SLC46A1: variants seen among roughly 807,000 people sequenced by gnomAD.
SLC46A1 encodes proton-coupled folate transporter.
A neutral mutation model predicts 32.1 loss-of-function variants in SLC46A1; 17 were observed. The ratio of observed to expected loss-of-function variants is 0.53; its 90% CI spans 0.36 to 0.79. The LOEUF (loss-of-function observed/expected upper bound fraction) is 0.79, where lower values mean the gene tolerates loss of function less well. SLC46A1 is among the 30% of genes least tolerant of loss of function. SLC46A1 has a pLI of 0.00. For missense variants in SLC46A1, 517 were observed against 588.2 expected (o/e 0.88, Z 1.25); for synonymous variants, 240 against 262.7 (o/e 0.91, Z 0.84).
Position 28,395,708 on chromosome 17 carries a change from C to A in SLC46A1, c.*3948G>T. 1.7e-6 allele frequency: 1 copy of A among 583,974 alleles called. No homozygotes were observed. Among genetic ancestry groups the A allele is most frequent in the Non-Finnish European group, 3.0e-6 (1 of 331,234 alleles). 36.2% of individuals were successfully genotyped at this position (583,974 alleles called of 1,614,324 possible). A position where few individuals can be genotyped will look rare whatever the true frequency, so the allele number is the denominator to read the frequency against. ...TTCCAAGGGTTTTAGCAGCTCTGTGCCAGGAACTCTGGGCAAAGGAAAAAT... is the reference window on the plus strand; with the variant it reads ...TTCCAAGGGTTTTAGCAGCTCTGTGACAGGAACTCTGGGCAAAGGAAAAAT... On this transcript the variant is annotated 3_prime_UTR_variant, in exon 5 of 5. Transcript: ENST00000612814.
chr17:28,397,573 C>G lies in SLC46A1; in HGVS notation c.*2083G>C, dbSNP rs2068142723. On this transcript the variant is annotated 3_prime_UTR_variant, in exon 5 of 5. Coordinates refer to ENST00000612814, the MANE Select transcript of SLC46A1 (RefSeq NM_080669.6). ...TGGCAGCCCCAGATCCAGACCTAGG[C>G]CTCCTGGCACCCAGTCCACTGGCAG... 6.6e-6 allele frequency: 1 copy of G among 152,234 alleles called. No homozygotes were observed. Among genetic ancestry groups the G allele is most frequent in the South Asian group, 2.1e-4 (1 of 4,832 alleles). 9.4% of individuals were successfully genotyped at this position (152,234 alleles called of 1,614,324 possible). A position where few individuals can be genotyped will look rare whatever the true frequency, so the allele number is the denominator to read the frequency against.
rs374179004 is a variant in SLC46A1, at chr17:28,405,420, C to T, written c.277G>A (p.Gly93Ser). The T allele has an allele frequency of 3.1e-6, 5 of 1,591,918 alleles. No homozygotes were observed. Among genetic ancestry groups the T allele is most frequent in the Non-Finnish European group, 4.3e-6 (5 of 1,170,060 alleles). The change falls in exon 2 of 5, where the codon GGC (glycine) becomes AGC (serine). Residue 93 changes from glycine (G) to serine (S), a missense_variant. Gly to Ser is a moderately conservative substitution (Grantham distance 56). Transcript: ENST00000612814. ...GACGAGAAGAGCCCCACCAGGAAGC[C>T]GCCCACGTTCATGTAGAGGGTCCAG... ...SHWTLYMNVGGFLVGLFSSTL... is the reference protein window; with the variant it reads ...SHWTLYMNVGSFLVGLFSSTL...
intron 3 of SLC46A1, chr17:28,401,288 G>A (rs548581562): frequency 1.0e-4 from 17 of 164,860 alleles, no homozygotes; most frequent in Non-Finnish European, 1.9e-4. Context: ...ACCCATCACT[G>A]GGCCTGGTCC....
At chr17:28,400,574 C>A in intron 4 of SLC46A1, 36 bp downstream of exon 4, 1 of 1,610,686 alleles carries the variant, frequency 6.2e-7, no homozygotes, top group Non-Finnish European at 8.5e-7. Flanking sequence ...AGAGAAAGGG[C>A]TCCATTATGA....
Position 28,395,700 on chromosome 17 carries a change from G to A in SLC46A1, c.*3956C>T. The stretch of plus-strand genomic sequence containing the variant: ...TCAAGAGATTCCAAGGGTTTTAGCA[G>A]CTCTGTGCCAGGAACTCTGGGCAAA... On this transcript the variant is annotated 3_prime_UTR_variant, in exon 5 of 5. Coordinates refer to ENST00000612814, the MANE Select transcript of SLC46A1 (RefSeq NM_080669.6). The A allele has an allele frequency of 1.8e-6, 1 of 567,810 alleles. No homozygotes were observed. Among genetic ancestry groups the A allele is most frequent in the Non-Finnish European group, 3.1e-6 (1 of 320,144 alleles). 35.2% of individuals were successfully genotyped at this position (567,810 alleles called of 1,614,324 possible).
rs1555590609 is a variant in SLC46A1, at chr17:28,404,953, G to A, written c.744C>T (p.His248=). 1.2e-6 allele frequency: 2 copies of A among 1,613,958 alleles called. No individual in the cohort carries two copies. Among genetic ancestry groups the A allele is most frequent in the African/African-American group, 2.7e-5 (2 of 74,940 alleles). ...KSTRLFTFRH[H]RSIVQLYVAP... is the part of the protein sequence containing the mutation. The stretch of plus-strand genomic sequence containing the variant: ...CCACATAGAGCTGGACAATGGATCG[G>A]TGGTGACGGAACGTGAAGAGCCGGG... Residue 248 remains histidine, a synonymous_variant, in exon 2 of 5, where the codon CAC becomes CAT. Coordinates refer to ENST00000612814, the MANE Select transcript of SLC46A1 (RefSeq NM_080669.6).
rs1028128966 is a variant in SLC46A1, at chr17:28,396,788, C to T, written c.*2868G>A. On this transcript the variant is annotated 3_prime_UTR_variant, in exon 5 of 5. Coordinates refer to ENST00000612814, the MANE Select transcript of SLC46A1 (RefSeq NM_080669.6). ...ACTCAGACTGTGCCTGGCCCCTGCA[C>T]TTACAACTTCCTGCCGCTCTGTGGC... 9.5e-5 allele frequency: 15 copies of T among 158,012 alleles called. No individual in the cohort carries two copies. Among genetic ancestry groups the T allele is most frequent in the Non-Finnish European group, 8.4e-5 (6 of 71,752 alleles). 9.8% of individuals were successfully genotyped at this position (158,012 alleles called of 1,614,324 possible).
Position 28,404,637 on chromosome 17 carries a change from T to A in SLC46A1, c.1060A>T (p.Ile354Phe). Residue 354 changes from isoleucine to phenylalanine, a missense_variant, in exon 2 of 5, where the codon ATC (isoleucine) becomes TTC (phenylalanine). Transcript: ENST00000612814. ...TTACCTGTGAACATGAGAGGCGTGA[T>A]AGTGGCAAAGGCAAAGACCACCATC... ...LGMVVFAFAT[I>F]TPLMFTGYGL... is the part of the protein sequence containing the mutation. 1 of 1,610,842 alleles carries A rather than the reference T, an allele frequency of 6.2e-7. No homozygotes were observed. The highest frequency in any genetic ancestry group is 8.5e-7 in the Non-Finnish European group (1 of 1,177,526).
Position 28,397,570 on chromosome 17 carries a change from A to C in SLC46A1, c.*2086T>G, listed in dbSNP as rs1555588420. On this transcript the variant is annotated 3_prime_UTR_variant, in exon 5 of 5. Coordinates refer to ENST00000612814, the MANE Select transcript of SLC46A1 (RefSeq NM_080669.6). ...TAGTGGCAGCCCCAGATCCAGACCT[A>C]GGCCTCCTGGCACCCAGTCCACTGG... 1.3e-5 allele frequency: 2 copies of C among 152,246 alleles called. No homozygotes were observed. 9.4% of individuals were successfully genotyped at this position (152,246 alleles called of 1,614,324 possible).
chr17:28,395,964 G>A lies in SLC46A1; in HGVS notation c.*3692C>T, dbSNP rs782340769. On this transcript the variant is annotated 3_prime_UTR_variant, in exon 5 of 5. Transcript: ENST00000612814. ...TTGTGCCCATCATTGATGGCTTCGAGTGGCCTGAGCCCCAGGTCCTGCCTG... is the reference window on the plus strand; with the variant it reads ...TTGTGCCCATCATTGATGGCTTCGAATGGCCTGAGCCCCAGGTCCTGCCTG... The A allele has an allele frequency of 3.1e-6, 5 of 1,613,868 alleles. No individual in the cohort carries two copies. The highest frequency in any genetic ancestry group is 1.3e-5 in the African/African-American group (1 of 74,916).
chr17:28,398,465 G>A lies in SLC46A1; in HGVS notation c.*1191C>T, dbSNP rs1369597724. On this transcript the variant is annotated 3_prime_UTR_variant, in exon 5 of 5. Transcript: ENST00000612814. ...AGGACAAACACAGCTCAGATCACCA[G>A]GTCAAGCACCTAGGCCTGGCTTCTC... 6.6e-6 allele frequency: 1 copy of A among 152,378 alleles called. No individual in the cohort carries two copies. The highest frequency in any genetic ancestry group is 1.5e-5 in the Non-Finnish European group (1 of 68,184). 9.4% of individuals were successfully genotyped at this position (152,378 alleles called of 1,614,324 possible).
chr17:28,396,404 G>C lies in SLC46A1; in HGVS notation c.*3252C>G, dbSNP rs1429254123. 2.5e-6 allele frequency: 3 copies of C among 1,223,620 alleles called. No homozygotes were observed. Among genetic ancestry groups the C allele is most frequent in the Non-Finnish European group, 3.5e-6 (3 of 861,006 alleles). 75.8% of individuals were successfully genotyped at this position (1,223,620 alleles called of 1,614,324 possible). On this transcript the variant is annotated 3_prime_UTR_variant, in exon 5 of 5. Coordinates refer to ENST00000612814, the MANE Select transcript of SLC46A1 (RefSeq NM_080669.6). ...CAACCTGGGCTCTTCTTAGGAAATG[G>C]CTCTCCCTCCCCCTGTCCCCCACCC...
At position 28,405,484 on chromosome 17, in the gene SLC46A1, G is replaced by C. The variant is rs781794728; in HGVS notation, c.229-16C>G. The C allele has an allele frequency of 6.3e-7, 1 of 1,594,720 alleles. No homozygotes were observed. The highest frequency in any genetic ancestry group is 1.7e-5 in the Admixed American group (1 of 57,834). ...TCTCCACTTCCTGTAGGGGCACAAT[G>C]ACCAGGGTGCGGTTCCTCACTCTGG... On this transcript the variant is annotated splice_polypyrimidine_tract_variant and intron_variant, in intron 1 of 4. Transcript: ENST00000612814.
intron 3 of SLC46A1, chr17:28,402,029 A>C (rs1597832245): frequency 1.9e-6 from 1 of 516,368 alleles, no homozygotes; most frequent in Admixed American, 3.2e-5. Flanking sequence ...GCTGACTGCA[A>C]ATCCCAACTC....
rs947537651 is a variant in SLC46A1, at chr17:28,394,694, A to G, written c.*4962T>C. 6.6e-6 allele frequency: 1 copy of G among 152,220 alleles called. No homozygotes were observed. The highest frequency in any genetic ancestry group is 1.5e-5 in the Non-Finnish European group (1 of 68,050). The allele number at this position is 152,220 out of a possible 1,614,324, so 9.4% of individuals were successfully genotyped here. ...ATGTCAACCTTAAATAATGAGATTC[A>G]GAAAATAAGACTAAGTATAGAGTTT... On this transcript the variant is annotated 3_prime_UTR_variant, in exon 5 of 5. Transcript: ENST00000612814.
chr17:28,402,010 T>C (rs2142458285), intron 3 of SLC46A1: 1 of 472,816 alleles, frequency 2.1e-6, no homozygotes, highest in East Asian at 3.4e-5. Context: ...AAGAACATAA[T>C]TGTGCTCTGC....
rs781855453 is a variant in SLC46A1, at chr17:28,399,625, C to T, written c.*31G>A. The T allele has an allele frequency of 7.4e-5, 120 of 1,613,212 alleles. No homozygotes were observed. Among genetic ancestry groups the T allele is most frequent in the Non-Finnish European group, 1.0e-4 (118 of 1,179,356 alleles). ...CAGTTGCTTGGTGTTCACTTTGCTC[C>T]TCTTGCCCTCTGTCTTCTGGTCCAG... On this transcript the variant is annotated 3_prime_UTR_variant, in exon 5 of 5. Coordinates refer to ENST00000612814, the MANE Select transcript of SLC46A1 (RefSeq NM_080669.6).
intron 2 of SLC46A1, chr17:28,404,361 T>C: frequency 1.8e-6 from 1 of 542,022 alleles, no homozygotes; most frequent in Non-Finnish European, 3.3e-6. Context: ...TGTCTTTTGC[T>C]CTATATTACT....
At position 28,398,249 on chromosome 17, in the gene SLC46A1, G is replaced by A. The variant is rs2239908; in HGVS notation, c.*1407C>T. 88,623 of 152,094 alleles carry A rather than the reference G, an allele frequency of 0.58. 26,174 individuals carry two copies. The highest frequency in any genetic ancestry group is 0.72 in the East Asian group (3,734 of 5,172). The allele number at this position is 152,094 out of a possible 1,614,324, so 9.4% of individuals were successfully genotyped here. ...GGCAGTATTCAGAGAGGTTTCCTGC[G>A]TTTTATTTCTATTTGGTATACCCTC... On this transcript the variant is annotated 3_prime_UTR_variant, in exon 5 of 5. Coordinates refer to ENST00000612814, the MANE Select transcript of SLC46A1 (RefSeq NM_080669.6).
Sources: gnomAD v4.1 joint callset for allele counts on GRCh38, gnomAD v4.1.1 for gene constraint, MANE v1.5 for transcripts, NCBI Gene and HGNC (gene_info 2026-07-23, HGNC 2026-07-21) for gene names.